CEP104: variants seen among roughly 807,000 people sequenced by gnomAD.
CEP104 encodes centrosomal protein 104.
CEP104 carries 84 observed loss-of-function variants against 113.3 expected under a neutral mutation model. The observed-to-expected ratio is 0.74, with a 90% CI of 0.62 to 0.89. CEP104 has a LOEUF of 0.89. Among genes scored for constraint, CEP104 ranks in the 40% least tolerant of loss-of-function variants. CEP104 has a pLI of 0.00. For missense variants in CEP104, 1,053 were observed against 1,156.6 expected, an observed-to-expected ratio of 0.91 and a Z score of 1.30; for synonymous variants, 378 against 421.7, an observed-to-expected ratio of 0.90 and a Z score of 1.27.
chr1:3,850,520 C>T (rs569025766), intron 2 of CEP104, among the ~76,000 whole-genome samples: 10 of 152,276 alleles, frequency 6.6e-5, no homozygotes, highest in African/African-American at 2.4e-4. Context: ...GGGGGTCTCC[C>T]TATATCTCTT....
chr1:3,845,628 A>G (rs1327008406), intron 4 of CEP104, among the ~76,000 whole-genome samples: 1 of 152,046 alleles, frequency 6.6e-6, no homozygotes, highest in Non-Finnish European at 1.5e-5. Flanking sequence ...GCTGGACTTA[A>G]CCCCTTTATA....
At chr1:3,836,766 GC>G in intron 9 of CEP104, 74 bp from the exon 10 acceptor site, 8 of 1,368,704 alleles carry the variant, frequency 5.8e-6, no homozygotes, top group Non-Finnish European at 8.2e-6. Flanking sequence ...ACTCTCACTG[GC>G]AGGCTTACTG....
chr1:3,839,456 C>G, intron 7 of CEP104, 152 bp downstream of exon 7: 1 of 727,032 alleles, frequency 1.4e-6, no homozygotes, highest in Non-Finnish European at 2.3e-6. Flanking sequence ...AAGTGCTTAT[C>G]TGTCTCCGTA....
chr1:3,821,051 A>G (rs1466982140), intron 20 of CEP104, among the ~76,000 whole-genome samples: 1 of 152,232 alleles, frequency 6.6e-6, no homozygotes, highest in Non-Finnish European at 1.5e-5. Context: ...GTCCACTGAG[A>G]GTCCAGCCAC....
intron 17 of CEP104, 33 bp downstream of exon 17, chr1:3,826,337 A>G (rs1644090166): frequency 6.3e-7 from 1 of 1,598,858 alleles, no homozygotes; most frequent in Non-Finnish European, 8.6e-7. Context: ...TGCCCTGACC[A>G]TCGTACAATG....
intron 13 of CEP104, among the ~76,000 whole-genome samples, chr1:3,830,390 T>A (rs948904947): frequency 1.3e-4 from 20 of 152,158 alleles, no homozygotes; most frequent in Admixed American, 3.9e-4. Flanking sequence ...CCGAAAACAA[T>A]CTGAAATCCT....
At chr1:3,822,617 G>A (rs1343193808) in intron 20 of CEP104, among the ~76,000 whole-genome samples, 2 of 152,148 alleles carry the variant, frequency 1.3e-5, no homozygotes, top group Admixed American at 6.5e-5. Flanking sequence ...AGCCTTGCAC[G>A]CCCATGTCCC....
At chr1:3,826,263 T>C in intron 17 of CEP104, 107 bp downstream of exon 17, 1 of 896,394 alleles carries the variant, frequency 1.1e-6, no homozygotes, top group Non-Finnish European at 1.8e-6. Flanking sequence ...CTACCTTTTA[T>C]GATGACTACG....
chr1:3,817,620 C>T (rs1008901887), intron 20 of CEP104, among the ~76,000 whole-genome samples: 1 of 152,150 alleles, frequency 6.6e-6, no homozygotes, highest in Non-Finnish European at 1.5e-5. Context: ...GCTGGGGCGC[C>T]TTCTCACCAG....
Position 3,814,825 on chromosome 1 carries a change from G to C in CEP104, c.*577C>G, listed in dbSNP as rs1297322929. On this transcript the variant is annotated 3_prime_UTR_variant, in exon 22 of 22. Transcript: ENST00000378230. The stretch of plus-strand genomic sequence containing the variant: ...TTATTTCTTGCTATAGTGGGAACGT[G>C]AGTTCTGCTACCTGGGGCTGAGTGC... The C allele has an allele frequency of 6.6e-6, 1 of 152,426 alleles. No individual in the cohort carries two copies. The highest frequency in any genetic ancestry group is 1.5e-5 in the Non-Finnish European group (1 of 68,158). 9.4% of individuals were successfully genotyped at this position (152,426 alleles called of 1,614,324 possible).
intron 6 of CEP104, among the ~76,000 whole-genome samples, chr1:3,840,300 A>G (rs765587718): frequency 1.3e-5 from 2 of 151,922 alleles, no homozygotes; most frequent in African/African-American, 4.8e-5. Context: ...GCAATGGCGC[A>G]ATCTCGGCTC....
intron 1 of CEP104, among the ~76,000 whole-genome samples, chr1:3,856,575 G>A (rs1557701125): frequency 6.6e-6 from 1 of 152,248 alleles, no homozygotes; most frequent in Non-Finnish European, 1.5e-5. Flanking sequence ...GGCCCCCTAT[G>A]TGCTACGCAT....
In CEP104 at chr1:3,826,728, G is replaced by A. The variant is rs1644099362; in HGVS notation, c.2168C>T (p.Ala723Val). Residue 723 changes from alanine to valine, a missense_variant, in exon 16 of 22, where the codon GCT (alanine) becomes GTT (valine). Coordinates refer to ENST00000378230, the MANE Select transcript of CEP104 (RefSeq NM_014704.4). The part of the protein sequence containing the change: ...QAEVQEKESD[A>V]VKPKNQDIQG... ...CATACCCTGATTCTTTGGCTTCACAGCATCACTTTCTTTTTCCTAAGACAC... is the reference window on the plus strand; with the variant it reads ...CATACCCTGATTCTTTGGCTTCACAACATCACTTTCTTTTTCCTAAGACAC... 6.2e-7 allele frequency: 1 copy of A among 1,614,020 alleles called. No individual in the cohort carries two copies. Among genetic ancestry groups the A allele is most frequent in the African/African-American group, 1.3e-5 (1 of 74,908 alleles).
chr1:3,822,819 C>T (rs1570772871), intron 20 of CEP104: 2 of 209,610 alleles, frequency 9.5e-6, no homozygotes, highest in South Asian at 1.1e-4. Context: ...CAAAAGGGAC[C>T]GCAGTGTTAC....
chr1:3,826,422 TC>T lies in CEP104; in HGVS notation c.2202del (p.Ala736GlnfsTer15), dbSNP rs1644092951. 1.2e-6 allele frequency: 2 copies of T among 1,613,860 alleles called. No individual in the cohort carries two copies. Among genetic ancestry groups the T allele is most frequent in the African/African-American group, 1.3e-5 (1 of 75,050 alleles). The stretch of plus-strand genomic sequence containing the variant: ...CCCAGAGCTTCAGCAGGGGCTGCTT[TC>T]CCTCCTTGAATGTCTGAAGAGATTA... ...VKPKNQDIQGGKAAPAEALGI... is the reference protein window; with the variant it reads ...VKPKNQDIQGXKAAPAEALGI... On this transcript the variant is annotated frameshift_variant, in exon 17 of 22. Coordinates refer to ENST00000378230, the MANE Select transcript of CEP104 (RefSeq NM_014704.4). LOFTEE classifies it high-confidence loss of function.
chr1:3,844,707 A>AAAAAAAAAAAAAAG (rs1553164525), intron 6 of CEP104, among the ~76,000 whole-genome samples, 200 bp downstream of exon 6: 1 of 71,184 alleles, frequency 1.4e-5, no homozygotes, highest in Non-Finnish European at 4.1e-5. Context: ...TCAAAAAAAA[A>AAAAAAAAAAAAAAG]GGAAAAAAAT....
rs1312690880 is a variant in CEP104, at chr1:3,813,277, G to T, written c.*2125C>A. On this transcript the variant is annotated 3_prime_UTR_variant, in exon 22 of 22. Coordinates refer to ENST00000378230, the MANE Select transcript of CEP104 (RefSeq NM_014704.4). The stretch of plus-strand genomic sequence containing the variant: ...TACTTTTTTTTTTTTTCGAGACGGA[G>T]TCTCGCTCTGTCGCCTGGGCTGGAG... 6.8e-6 allele frequency: 1 copy of T among 147,844 alleles called. No individual in the cohort carries two copies. The highest frequency in any genetic ancestry group is 1.5e-5 in the Non-Finnish European group (1 of 67,492). The allele number at this position is 147,844 out of a possible 1,614,324, so 9.2% of individuals were successfully genotyped here. A position where few individuals can be genotyped will look rare whatever the true frequency, so the allele number is the denominator to read the frequency against.
chr1:3,836,320 A>C (rs1014032753), intron 10 of CEP104, among the ~76,000 whole-genome samples, 175 bp downstream of exon 10: 3 of 151,806 alleles, frequency 2.0e-5, no homozygotes, highest in Non-Finnish European at 2.9e-5. Context: ...AAAAAAAAAA[A>C]AAAGTTAACA....
intron 2 of CEP104, among the ~76,000 whole-genome samples, chr1:3,850,570 C>T (rs1211298732): frequency 6.6e-6 from 1 of 152,190 alleles, no homozygotes; most frequent in African/African-American, 2.4e-5. Context: ...GTGCATCAAT[C>T]TATGCCCTGA....
Sources: allele counts gnomAD v4.1 joint callset (sites outside exome capture counted in the v4.1 genomes callset), GRCh38; gene constraint gnomAD v4.1.1; transcripts MANE v1.5; gene names NCBI Gene and HGNC (gene_info 2026-07-23, HGNC 2026-07-21).